The following R3HDM1 variants were observed in gnomAD, a reference collection of about 807,000 sequenced individuals.
R3HDM1 encodes R3H domain containing 1.
R3HDM1 carries 46 observed loss-of-function variants against 141.1 expected under a neutral mutation model. The observed-to-expected ratio is 0.33, with a 90% confidence interval of 0.26 to 0.42. The LOEUF is 0.42. Ranked by LOEUF, R3HDM1 falls within the 10% of genes least tolerant of loss-of-function variation. R3HDM1 has a pLI of 1.00. For missense variants in R3HDM1, 1,184 were observed against 1,368.3 expected (o/e 0.87, Z 2.12); for synonymous variants, 435 against 472.9 (o/e 0.92, Z 1.04).
At chr2:135,668,393 T>C (rs2067840337) in intron 19 of R3HDM1, among the ~76,000 whole-genome samples, 1 of 152,252 alleles carries the variant, frequency 6.6e-6, no homozygotes, top group African/African-American at 2.4e-5. Flanking sequence ...AGTTGCTGTG[T>C]TGTATGTTAT....
chr2:135,708,353 G>A (rs968449242), intron 21 of R3HDM1, among the ~76,000 whole-genome samples: 9 of 151,992 alleles, frequency 5.9e-5, no homozygotes, highest in African/African-American at 1.9e-4. Context: ...GGATTTTACC[G>A]ATTGCGTCAT....
rs1315755043 is a variant in R3HDM1 at position 135,696,434 on chromosome 2, A to G, written c.2460-12999A>G. ...ATACATAAAACTCTTTAAATTATATACTTTATGTGTGGTTTATTTTCTATA... is the reference window on the plus strand; with the variant it reads ...ATACATAAAACTCTTTAAATTATATGCTTTATGTGTGGTTTATTTTCTATA... On this transcript the variant is annotated intron_variant, in intron 21 of 26. Transcript: ENST00000683871. Among the ~76,000 whole-genome samples, 3 of 152,120 alleles carry G rather than the reference A, an allele frequency of 2.0e-5. No individual in the cohort carries two copies. In the East Asian group the frequency reaches 5.8e-4, roughly 29 times the overall value.
intron 1 of R3HDM1, among the ~76,000 whole-genome samples, chr2:135,547,816 C>T (rs529071681): frequency 1.0e-4 from 15 of 143,676 alleles, no homozygotes; most frequent in African/African-American, 3.0e-4. Flanking sequence ...CTCTGTCGCC[C>T]AGGCTAGAGT....
At chr2:135,568,670 C>T (rs1002311974) in intron 1 of R3HDM1, 7 of 152,136 alleles carry the variant, frequency 4.6e-5, no homozygotes, top group African/African-American at 1.4e-4. Context: ...TTTTTTTAAC[C>T]TTTGAAATAG....
chr2:135,641,899 T>A, intron 15 of R3HDM1, 109 bp downstream of exon 15: 1 of 1,255,030 alleles, frequency 8.0e-7, no homozygotes, highest in Non-Finnish European at 1.1e-6. Context: ...CATGAATAAT[T>A]AACATTTTCC....
chr2:135,718,206 G>A (rs1207937772), intron 24 of R3HDM1, among the ~76,000 whole-genome samples: 2 of 152,204 alleles, frequency 1.3e-5, no homozygotes, highest in Non-Finnish European at 2.9e-5. Flanking sequence ...GAAGGGACTG[G>A]AGGGAACTCT....
intron 1 of R3HDM1, among the ~76,000 whole-genome samples, chr2:135,532,098 G>C (rs962032917): frequency 6.6e-6 from 1 of 152,200 alleles, no homozygotes; most frequent in Non-Finnish European, 1.5e-5. Context: ...CTGCTCTCTC[G>C]TGTGGCTGGC....
At position 135,583,826 on chromosome 2, in the gene R3HDM1, G is replaced by A. The variant is rs897364409; in HGVS notation, c.-249-18674G>A. Reference sequence around the variant, plus strand: ...ATAAAGAAGAAAGTTTATCAGCCATGTTAGTAATTCGATTTAGATAATTAA... The same window carrying A: ...ATAAAGAAGAAAGTTTATCAGCCATATTAGTAATTCGATTTAGATAATTAA... On this transcript the variant is annotated intron_variant, in intron 1 of 26. Transcript: ENST00000683871. 1.1e-5 allele frequency: 11 copies of A among 985,446 alleles called. No homozygotes were observed. In the African/African-American group the frequency reaches 1.4e-4, roughly 12 times the overall value. The allele number at this position is 985,446 out of a possible 1,614,324, so 61.0% of individuals were successfully genotyped here.
intron 19 of R3HDM1, 120 bp from the exon 20 acceptor site, chr2:135,675,212 C>A: frequency 9.9e-7 from 1 of 1,008,686 alleles, no homozygotes; most frequent in Non-Finnish European, 1.4e-6. Context: ...GTTTTAGGGG[C>A]TTACCATTTA....
intron 1 of R3HDM1, among the ~76,000 whole-genome samples, chr2:135,555,371 C>T (rs561834742): frequency 6.6e-6 from 1 of 151,794 alleles, no homozygotes; most frequent in Admixed American, 6.6e-5. Context: ...AGTGAGATAC[C>T]TTTGTGTCTA....
In R3HDM1 at chr2:135,645,491, A is replaced by T. The variant is rs13425947; in HGVS notation, c.1587A>T (p.Pro529=). ...PGPPQPPLPA[P]PQQPAANHIF... ...CTCCACAGCCACCTCTGCCAGCCCCACCTCAACAACCAGCAGCTAATCACA... is the reference window on the plus strand; with the variant it reads ...CTCCACAGCCACCTCTGCCAGCCCCTCCTCAACAACCAGCAGCTAATCACA... Residue 529 remains proline (P), a synonymous_variant, in exon 16 of 27, where the codon CCA becomes CCT. Transcript: ENST00000683871. 4,227 of 1,613,992 alleles carry T rather than the reference A, an allele frequency of 2.6e-3. 83 individuals carry two copies. The African/African-American group carries it at 0.048, about 18-fold the overall frequency.
At chr2:135,597,387 A>C (rs1445017029) in intron 1 of R3HDM1, 1 of 617,774 alleles carries the variant, frequency 1.6e-6, no homozygotes, top group Non-Finnish European at 2.0e-6. Context: ...ATGCACATTT[A>C]ACATTTTGAA....
intron 15 of R3HDM1, among the ~76,000 whole-genome samples, chr2:135,643,205 C>G (rs2063987615): frequency 6.6e-6 from 1 of 152,092 alleles, no homozygotes; most frequent in Non-Finnish European, 1.5e-5. Context: ...CGCCTTCACC[C>G]AAATCTGCTC....
chr2:135,699,106 A>C (rs538702671), intron 21 of R3HDM1, among the ~76,000 whole-genome samples: 1 of 74,244 alleles, frequency 1.3e-5, no homozygotes, highest in East Asian at 4.9e-4. Context: ...TAGATAGATT[A>C]GATATTCCAA....
chr2:135,617,159 T>TA (rs1460734147), intron 5 of R3HDM1, among the ~76,000 whole-genome samples: 11 of 151,234 alleles, frequency 7.3e-5, no homozygotes, highest in South Asian at 4.2e-4. Context: ...CCATCTCTAC[T>TA]AAAAAAAATA....
At chr2:135,598,137 T>C (rs766092726) in intron 1 of R3HDM1, among the ~76,000 whole-genome samples, 1 of 152,184 alleles carries the variant, frequency 6.6e-6, no homozygotes, top group Non-Finnish European at 1.5e-5. Context: ...TACTTAACCA[T>C]GCATATTTAT....
intron 1 of R3HDM1, among the ~76,000 whole-genome samples, chr2:135,553,012 G>A (rs115441507): frequency 1.4e-3 from 206 of 152,010 alleles, no homozygotes; most frequent in African/African-American, 3.7e-3. Context: ...CTTAATAGCC[G>A]GGACCACAGA....
chr2:135,571,654 T>G (rs1362766511), intron 1 of R3HDM1, among the ~76,000 whole-genome samples: 1 of 151,870 alleles, frequency 6.6e-6, no homozygotes, highest in East Asian at 1.9e-4. Context: ...TAAGACAGGG[T>G]CTCACTCTCT....
intron 1 of R3HDM1, among the ~76,000 whole-genome samples, chr2:135,600,223 G>A (rs2059519232): frequency 6.7e-6 from 1 of 148,398 alleles, no homozygotes; most frequent in Non-Finnish European, 1.5e-5. Context: ...TGAGATTACA[G>A]GCCTGAGCCA....
Sources: gnomAD v4.1 joint callset for allele counts (sites outside exome capture counted in the v4.1 genomes callset) on GRCh38, gnomAD v4.1.1 for gene constraint, MANE v1.5 for transcripts, NCBI Gene and HGNC (gene_info 2026-07-23, HGNC 2026-07-21) for gene names.